Variants in MAB21L4 observed in about 807,000 individuals in gnomAD.
The protein encoded by MAB21L4 is protein mab-21-like 4.
In MAB21L4, 25 loss-of-function variants were observed where a neutral mutation model predicts 32.4. The ratio of observed to expected loss-of-function variants is 0.77; its 90% CI spans 0.56 to 1.08. The LOEUF is 1.08. Among genes scored for constraint, MAB21L4 ranks in the 50% least tolerant of loss-of-function variants. The pLI, the probability that MAB21L4 is intolerant of heterozygous loss-of-function variation, is 0.00. For missense variants in MAB21L4, 638 were observed against 611.0 expected (o/e 1.04, Z -0.47); for synonymous variants, 280 against 276.8 (o/e 1.01, Z -0.11).
chr2:240,896,507 C>T (rs2059188326), upstream of MAB21L4, among the ~76,000 whole-genome samples: 1 of 152,152 alleles, frequency 6.6e-6, no homozygotes, highest in Non-Finnish European at 1.5e-5. Context: ...TTGGAGGGAA[C>T]ACAAGGCACC....
chr2:240,896,243 G>T, upstream of MAB21L4: 1 of 1,088,136 alleles, frequency 9.2e-7, no homozygotes, highest in Non-Finnish European at 1.2e-6. Context: ...CAGGGGCCAT[G>T]CAGGGCAGGC....
rs2059112078 is a variant in MAB21L4, at chr2:240,888,191, GCTGCT to G, written c.1251+96_1251+100del. The G allele has an allele frequency of 1.1e-5, 11 of 962,494 alleles. No homozygotes were observed. In the Admixed American group the frequency reaches 3.0e-4, roughly 26 times the overall value. 59.6% of individuals were successfully genotyped at this position (962,494 alleles called of 1,614,324 possible). A position where few individuals can be genotyped will look rare whatever the true frequency, so the allele number is the denominator to read the frequency against. ...CTGACCTGGCCTCAGCATTCCTGGG[GCTGCT>G]GACCTGGGAGAGAATGGGCAGGGAG... On this transcript the variant is annotated intron_variant, in intron 4 of 4. Coordinates refer to ENST00000388934, the MANE Select transcript of MAB21L4 (RefSeq NM_001085437.3).
chr2:240,893,054 G>A (rs957420217), intron 1 of MAB21L4, among the ~76,000 whole-genome samples: 6 of 152,170 alleles, frequency 3.9e-5, no homozygotes, highest in Admixed American at 2.6e-4. Context: ...CCCAGGGACC[G>A]GAGGAGAGGC....
rs567875502 is a variant in MAB21L4 at position 240,896,045 on chromosome 2, C to T, written c.-48G>A. The T allele has an allele frequency of 4.9e-5, 69 of 1,415,238 alleles. No homozygotes were observed. In the East Asian group the frequency reaches 1.1e-3, roughly 22 times the overall value. 87.7% of individuals were successfully genotyped at this position (1,415,238 alleles called of 1,614,324 possible). A position where few individuals can be genotyped will look rare whatever the true frequency, so the allele number is the denominator to read the frequency against. On this transcript the variant is annotated 5_prime_UTR_variant, in exon 1 of 5. Coordinates refer to ENST00000388934, the MANE Select transcript of MAB21L4 (RefSeq NM_001085437.3). ...GGCCAGTGGCCCCTGAGGAGGACTC[C>T]GCAGGCCAGCTGTGCAGATGGGCTG...
chr2:240,888,744 C>T, intron 3 of MAB21L4, 96 bp from the exon 4 acceptor site: 3 of 852,798 alleles, frequency 3.5e-6, no homozygotes, highest in Non-Finnish European at 5.2e-6. Flanking sequence ...CTGCCCCTCC[C>T]TGCTCCTACC....
rs775770881 is a variant in MAB21L4 at position 240,887,037 on chromosome 2, C to T, written c.*33G>A. ...TGCAGTGCAGAGTCTGTTGGGGAGC[C>T]AAGAACAGGTGGCTGAGACCAGGTG... is the stretch of plus-strand genomic sequence containing the variant. On this transcript the variant is annotated 3_prime_UTR_variant, in exon 5 of 5. Transcript: ENST00000388934. 5.1e-6 allele frequency: 8 copies of T among 1,562,140 alleles called. No homozygotes were observed. In the East Asian group the frequency reaches 1.8e-4, roughly 35 times the overall value.
chr2:240,888,371 C>T lies in MAB21L4; in HGVS notation c.1172G>A (p.Gly391Glu). 6.4e-7 allele frequency: 1 copy of T among 1,570,602 alleles called. No individual in the cohort carries two copies. The stretch of plus-strand genomic sequence containing the variant: ...TGGCAGCTGCAGGAGCGCCTTGAGC[C>T]CGGAGCCGATGCGCGGCGGGGGGCT... ...GRSPPPRIGS[G>E]LKALLQLPAS... Residue 391 changes from glycine (G) to glutamate (E), a missense_variant, in exon 4 of 5, where the codon GGG (glycine) becomes GAG (glutamate). Gly to Glu is a moderately conservative substitution (Grantham distance 98). Coordinates refer to ENST00000388934, the MANE Select transcript of MAB21L4 (RefSeq NM_001085437.3).
chr2:240,892,484 A>C (rs2059158826), intron 1 of MAB21L4, among the ~76,000 whole-genome samples: 1 of 152,144 alleles, frequency 6.6e-6, no homozygotes, highest in Admixed American at 6.5e-5. Context: ...CTGGGGAGAG[A>C]GGGACAGGCC....
intron 3 of MAB21L4, among the ~76,000 whole-genome samples, chr2:240,889,068 T>C (rs1280962971): frequency 6.6e-6 from 1 of 152,150 alleles, no homozygotes; most frequent in Non-Finnish European, 1.5e-5. Context: ...TGTGTGCTCA[T>C]GACCCCTGGC....
rs375564816 is a variant in MAB21L4, at chr2:240,893,820, A to G, written c.514+1664T>C. ...CTGGCACGGCCTCCTGCTCACCCCA[A>G]TGGGTGGGCCTGTCTCACAGGTGGG... On this transcript the variant is annotated intron_variant, in intron 1 of 4. Coordinates refer to ENST00000388934, the MANE Select transcript of MAB21L4 (RefSeq NM_001085437.3). Among the ~76,000 whole-genome samples, 21 of 152,180 alleles carry G rather than the reference A, an allele frequency of 1.4e-4. No homozygotes were observed. The South Asian group carries it at 1.7e-3, about 12-fold the overall frequency.
chr2:240,887,934 G>C (rs964978331), intron 4 of MAB21L4, among the ~76,000 whole-genome samples: 1 of 152,172 alleles, frequency 6.6e-6, no homozygotes, highest in Admixed American at 6.5e-5. Context: ...GCCCAGGTAA[G>C]GCCATATCCC....
intron 3 of MAB21L4, 34 bp from the exon 4 acceptor site, chr2:240,888,682 G>A (rs747582008): frequency 4.7e-5 from 65 of 1,395,238 alleles, no homozygotes; most frequent in Non-Finnish European, 5.8e-5. Flanking sequence ...TGGCCTCCTG[G>A]CCCACCCGGC....
At chr2:240,896,219 A>G (rs1182372024), upstream of MAB21L4, 29 of 1,205,824 alleles carry the variant, frequency 2.4e-5, no homozygotes, top group Non-Finnish European at 3.0e-5. Flanking sequence ...AGTCCCCAGC[A>G]ATTGGGAATG....
rs200054227 is a variant in MAB21L4 at position 240,888,362 on chromosome 2, G to A, written c.1181C>T (p.Ala394Val). 1.7e-5 allele frequency: 27 copies of A among 1,574,500 alleles called. No homozygotes were observed. Among genetic ancestry groups the A allele is most frequent in the African/African-American group, 1.6e-4 (12 of 73,016 alleles). ...PPPRIGSGLK[A>V]LLQLPASDPT... ...GTCACTGGCTGGCAGCTGCAGGAGCGCCTTGAGCCCGGAGCCGATGCGCGG... is the reference window on the plus strand; with the variant it reads ...GTCACTGGCTGGCAGCTGCAGGAGCACCTTGAGCCCGGAGCCGATGCGCGG... The change falls in exon 4 of 5, where the codon GCG becomes GTG. Residue 394 changes from alanine to valine, a missense_variant. Transcript: ENST00000388934.
At chr2:240,888,711 C>A (rs2106437457) in intron 3 of MAB21L4, 63 bp from the exon 4 acceptor site, 1 of 1,242,216 alleles carries the variant, frequency 8.1e-7, no homozygotes, top group East Asian at 2.8e-5. Context: ...TGCTCCCACC[C>A]TGCGCTCCCA....
intron 1 of MAB21L4, among the ~76,000 whole-genome samples, chr2:240,892,810 G>A (rs1158336682): frequency 1.3e-5 from 2 of 151,672 alleles, no homozygotes; most frequent in Admixed American, 6.6e-5. Context: ...CCCCACCCGG[G>A]ACCCAGCCCA....
In MAB21L4 at chr2:240,891,520, C is replaced by A; in HGVS notation, c.740+18G>T. 1 of 1,588,178 alleles carries A rather than the reference C, an allele frequency of 6.3e-7. No individual in the cohort carries two copies. The highest frequency in any genetic ancestry group is 8.6e-7 in the Non-Finnish European group (1 of 1,165,302). On this transcript the variant is annotated intron_variant, in intron 2 of 4. Coordinates refer to ENST00000388934, the MANE Select transcript of MAB21L4 (RefSeq NM_001085437.3). ...TGCCCCCTCCCCAAGAACCTTGTGA[C>A]CAGGAGGGTGCGCCTACCTCCAGAG...
chr2:240,891,571 A>C lies in MAB21L4; in HGVS notation c.707T>G (p.Val236Gly), dbSNP rs758711359. 1.4e-5 allele frequency: 22 copies of C among 1,610,736 alleles called. No homozygotes were observed. In the Admixed American group the frequency reaches 2.0e-4, roughly 15 times the overall value. Residue 236 changes from valine to glycine, a missense_variant, in exon 2 of 5, where the codon GTG (valine) becomes GGG (glycine). By Grantham distance (109) the Val-to-Gly change is moderately radical. Transcript: ENST00000388934. The part of the protein sequence containing the change: ...GSLRRILSQG[V>G]DLVPASAQLW... ...CTGGGCGCTGGCCGGCACCAGGTCC[A>C]CCCCTTGGCTGAGGATCCTTCTCAA...
Position 240,887,032 on chromosome 2 carries a change from G to A in MAB21L4, c.*38C>T. 1 of 1,511,204 alleles carries A rather than the reference G, an allele frequency of 6.6e-7. No homozygotes were observed. The highest frequency in any genetic ancestry group is 9.2e-7 in the Non-Finnish European group (1 of 1,086,870). The allele number at this position is 1,511,204 out of a possible 1,614,324, so 93.6% of individuals were successfully genotyped here. ...CATGGTGCAGTGCAGAGTCTGTTGGGGAGCCAAGAACAGGTGGCTGAGACC... is the reference window on the plus strand; with the variant it reads ...CATGGTGCAGTGCAGAGTCTGTTGGAGAGCCAAGAACAGGTGGCTGAGACC... On this transcript the variant is annotated 3_prime_UTR_variant, in exon 5 of 5. Coordinates refer to ENST00000388934, the MANE Select transcript of MAB21L4 (RefSeq NM_001085437.3).
Sources: allele counts gnomAD v4.1 joint callset (sites outside exome capture counted in the v4.1 genomes callset), GRCh38; gene constraint gnomAD v4.1.1; transcripts MANE v1.5; gene names NCBI Gene and HGNC (gene_info 2026-07-23, HGNC 2026-07-21).